ENTREP2: variants seen among roughly 807,000 people sequenced by gnomAD.
ENTREP2 encodes the protein protein ENTREP2.
At chr15:29,491,096 C>G in the ENTREP2 span, among the ~76,000 whole-genome samples, 1 of 152,206 alleles carries the variant, frequency 6.6e-6, no homozygotes, top group East Asian at 1.9e-4. Flanking sequence ...GACCCAGCGC[C>G]CCCTCCACAG....
chr15:29,371,004 T>C, the ENTREP2 span, among the ~76,000 whole-genome samples: 2 of 152,074 alleles, frequency 1.3e-5, no homozygotes, highest in African/African-American at 4.8e-5. Flanking sequence ...AAGGCACTTA[T>C]AAATGTTAGC....
the ENTREP2 span, among the ~76,000 whole-genome samples, chr15:29,516,968 C>A: frequency 5.3e-3 from 464 of 88,222 alleles, no homozygotes; most frequent in Middle Eastern, 0.012. Context: ...AATTATGAGC[C>A]AAAAAAAAAA....
chr15:29,671,523 C>T, the ENTREP2 span, among the ~76,000 whole-genome samples: 1 of 152,142 alleles, frequency 6.6e-6, no homozygotes, highest in Non-Finnish European at 1.5e-5. Flanking sequence ...ATAGGACACT[C>T]AGTTGGTACT....
the ENTREP2 span, among the ~76,000 whole-genome samples, chr15:29,340,804 C>G: frequency 1.1e-4 from 17 of 152,130 alleles, no homozygotes; most frequent in African/African-American, 3.6e-4. Context: ...ATGAAAAAGT[C>G]CCAAACCCCT....
the ENTREP2 span, among the ~76,000 whole-genome samples, chr15:29,413,170 T>C: frequency 6.6e-6 from 1 of 152,180 alleles, no homozygotes; most frequent in African/African-American, 2.4e-5. Flanking sequence ...TGATATTTAC[T>C]CTACAAACTA....
At chr15:29,460,066 G>A in the ENTREP2 span, among the ~76,000 whole-genome samples, 1 of 152,090 alleles carries the variant, frequency 6.6e-6, no homozygotes, top group Non-Finnish European at 1.5e-5. Flanking sequence ...GGGCAACACA[G>A]CAAGACCATG....
the ENTREP2 span, chr15:29,136,498 G>A: frequency 1.3e-6 from 2 of 1,547,508 alleles, no homozygotes; most frequent in Admixed American, 2.0e-5. Context: ...CCAGGTGGAG[G>A]CCCCTGAAAA....
the ENTREP2 span, among the ~76,000 whole-genome samples, chr15:29,538,760 G>T: frequency 6.6e-6 from 1 of 151,298 alleles, no homozygotes; most frequent in African/African-American, 2.4e-5. Context: ...AGTGAGCCGA[G>T]ATCATGCCAC....
At chr15:29,526,638 A>G in the ENTREP2 span, among the ~76,000 whole-genome samples, 3 of 146,350 alleles carry the variant, frequency 2.0e-5, no homozygotes, top group Non-Finnish European at 3.0e-5. Context: ...CTATAAAAAA[A>G]TTTTTTTTTT....
At chr15:29,379,084 G>A in the ENTREP2 span, among the ~76,000 whole-genome samples, 1 of 152,238 alleles carries the variant, frequency 6.6e-6, no homozygotes, top group Non-Finnish European at 1.5e-5. Flanking sequence ...ACTTCCGTCT[G>A]CAGTGCAGAA....
At chr15:29,468,930 G>A in the ENTREP2 span, among the ~76,000 whole-genome samples, 3 of 152,162 alleles carry the variant, frequency 2.0e-5, no homozygotes, top group East Asian at 1.9e-4. Context: ...TTCTTCCAAC[G>A]TTAAGGTAAC....
the ENTREP2 span, among the ~76,000 whole-genome samples, chr15:29,475,311 C>T: frequency 6.6e-6 from 1 of 152,122 alleles, no homozygotes; most frequent in African/African-American, 2.4e-5. Flanking sequence ...CTACTGCTGG[C>T]CTGAGCAGGA....
At chr15:29,394,156 G>A in the ENTREP2 span, among the ~76,000 whole-genome samples, 4 of 152,130 alleles carry the variant, frequency 2.6e-5, no homozygotes, top group Admixed American at 6.5e-5. Flanking sequence ...GTAAATGGAC[G>A]TATATACCAT....
At chr15:29,471,006 GT>G in the ENTREP2 span, among the ~76,000 whole-genome samples, 1 of 152,292 alleles carries the variant, frequency 6.6e-6, no homozygotes, top group African/African-American at 2.4e-5. Context: ...GTAAACAGAG[GT>G]GGGGCATTGG....
the ENTREP2 span, chr15:29,268,953 G>A: frequency 6.2e-7 from 1 of 1,614,168 alleles, no homozygotes; most frequent in Non-Finnish European, 8.5e-7. Context: ...TGGTTCGCGG[G>A]CCCCACTGGA....
At chr15:29,247,014 C>CACAT in the ENTREP2 span, among the ~76,000 whole-genome samples, 4 of 150,140 alleles carry the variant, frequency 2.7e-5, no homozygotes, top group Admixed American at 2.0e-4. Context: ...CACACACACA[C>CACAT]GCAAAACCCT....
At chr15:29,669,353 T>A in the ENTREP2 span, among the ~76,000 whole-genome samples, 1 of 152,106 alleles carries the variant, frequency 6.6e-6, no homozygotes, top group Admixed American at 6.5e-5. Flanking sequence ...GGTGGCTTTA[T>A]AAGAAGAGAA....
chr15:29,444,743 G>C, the ENTREP2 span, among the ~76,000 whole-genome samples: 1 of 152,148 alleles, frequency 6.6e-6, no homozygotes, highest in East Asian at 1.9e-4. Flanking sequence ...GGGATTACAG[G>C]TGTGAGCCAT....
the ENTREP2 span, among the ~76,000 whole-genome samples, chr15:29,430,656 A>AAACC: frequency 0.11 from 16,971 of 151,978 alleles, 1,770 homozygotes; most frequent in African/African-American, 0.28. Context: ...TCTCAAAAAC[A>AAACC]AACAAACAAA....
Sources: allele counts gnomAD v4.1 joint callset (sites outside exome capture counted in the v4.1 genomes callset), GRCh38; gene constraint gnomAD v4.1.1; transcripts MANE v1.5; gene names NCBI Gene and HGNC (gene_info 2026-07-23, HGNC 2026-07-21).